The following DCC variants were observed in gnomAD, a reference collection of about 807,000 sequenced individuals.
DCC encodes the protein netrin receptor DCC.
A neutral mutation model predicts 172.5 loss-of-function variants in DCC; 58 were observed. The ratio of observed to expected loss-of-function variants is 0.34; its 90% confidence interval spans 0.27 to 0.42. The LOEUF (loss-of-function observed/expected upper bound fraction) is 0.42. Among genes scored for constraint, DCC ranks in the 10% least tolerant of loss-of-function variants. DCC has a pLI of 1.00. For missense variants in DCC, 1,740 were observed against 1,791.0 expected, an observed-to-expected ratio of 0.97 and a Z score of 0.51; for synonymous variants, 709 against 644.5, an observed-to-expected ratio of 1.10 and a Z score of -1.52.
At chr18:52,972,984 G>T (rs911152456) in intron 5 of DCC, among the ~76,000 whole-genome samples, 9 of 152,192 alleles carry the variant, frequency 5.9e-5, no homozygotes, top group Admixed American at 3.3e-4. Flanking sequence ...TAGACACAGA[G>T]AAATGGGTTC....
At chr18:53,043,345 G>A (rs548606120) in intron 5 of DCC, among the ~76,000 whole-genome samples, 2 of 151,826 alleles carry the variant, frequency 1.3e-5, no homozygotes, top group Admixed American at 6.6e-5. Context: ...GATAACATTA[G>A]GAGAAATACC....
At chr18:52,493,352 A>G (rs371844105) in intron 1 of DCC, among the ~76,000 whole-genome samples, 17 of 152,172 alleles carry the variant, frequency 1.1e-4, no homozygotes, top group East Asian at 5.8e-4. Flanking sequence ...TCTTTTTTTC[A>G]ATAAAAAGCA....
chr18:53,448,889 T>C (rs552971045), intron 22 of DCC, among the ~76,000 whole-genome samples: 1 of 152,286 alleles, frequency 6.6e-6, no homozygotes, highest in African/African-American at 2.4e-5. Context: ...GTTCACACCA[T>C]AAGTCCCAAA....
At chr18:52,798,405 T>C (rs565560254) in intron 2 of DCC, among the ~76,000 whole-genome samples, 1 of 152,354 alleles carries the variant, frequency 6.6e-6, no homozygotes, top group East Asian at 1.9e-4. Flanking sequence ...AGTCTCACTT[T>C]GTTGCTCAGG....
intron 24 of DCC, among the ~76,000 whole-genome samples, chr18:53,460,287 T>TTTTTTTTTTTTTTTTTTTTTTTTTTTG (rs2045539083): frequency 7.8e-6 from 1 of 127,674 alleles, no homozygotes; most frequent in African/African-American, 2.8e-5. Context: ...TTTTTTTTTT[T>TTTTTTTTTTTTTTTTTTTTTTTTTTTG]TTTTTTTTTT....
chr18:52,568,603 A>G (rs367839774), intron 1 of DCC, among the ~76,000 whole-genome samples: 1 of 151,726 alleles, frequency 6.6e-6, no homozygotes, highest in South Asian at 2.1e-4. Flanking sequence ...AATAAATATT[A>G]TTTTTTTTCA....
intron 1 of DCC, among the ~76,000 whole-genome samples, chr18:52,640,115 G>A (rs1366716368): frequency 6.6e-6 from 1 of 152,114 alleles, no homozygotes; most frequent in Non-Finnish European, 1.5e-5. Context: ...AAAATCACAT[G>A]ATCATTTCAA....
At chr18:52,858,210 T>G (rs2039083605) in intron 2 of DCC, among the ~76,000 whole-genome samples, 1 of 152,204 alleles carries the variant, frequency 6.6e-6, no homozygotes, top group Non-Finnish European at 1.5e-5. Flanking sequence ...CACGCCCATT[T>G]TACAGATGGA....
intron 1 of DCC, among the ~76,000 whole-genome samples, chr18:52,566,254 C>A (rs527315010): frequency 6.6e-6 from 1 of 152,198 alleles, no homozygotes; most frequent in South Asian, 2.1e-4. Flanking sequence ...TCTCAGCAAA[C>A]TAACATAGGA....
intron 13 of DCC, among the ~76,000 whole-genome samples, chr18:53,309,918 G>GCGTGTATATATATATATATATATATATA: frequency 9.3e-6 from 1 of 107,882 alleles, no homozygotes; most frequent in South Asian, 3.9e-4. Context: ...ACATATATGT[G>GCGTGTATATATATATATATATATATATA]CGTGTATATA....
At position 53,234,684 on chromosome 18, in the gene DCC, G is replaced by A. The variant is rs147260405; in HGVS notation, c.1911+19087G>A. ...CACATCCAAATCCCTTGGCAATTTA[G>A]TGACAAACCTGAAATCTGACTCCAG... On this transcript the variant is annotated intron_variant, in intron 12 of 28. Transcript: ENST00000442544. 4.6e-5 allele frequency among the ~76,000 whole-genome samples: 7 copies of A among 152,220 alleles called. No homozygotes were observed. In the East Asian group the frequency reaches 7.7e-4, roughly 17 times the overall value.
intron 2 of DCC, among the ~76,000 whole-genome samples, chr18:52,843,506 T>C (rs1204745246): frequency 6.6e-6 from 1 of 152,216 alleles, no homozygotes; most frequent in African/African-American, 2.4e-5. Context: ...ATATAAAAAG[T>C]ACTGCATTGT....
chr18:52,643,246 T>A (rs1352102893), intron 1 of DCC, among the ~76,000 whole-genome samples: 1 of 152,154 alleles, frequency 6.6e-6, no homozygotes, highest in Non-Finnish European at 1.5e-5. Flanking sequence ...ACAAGAAGAT[T>A]TTCTACCTGC....
At chr18:53,223,385 C>A (rs781524498) in intron 12 of DCC, among the ~76,000 whole-genome samples, 2 of 152,012 alleles carry the variant, frequency 1.3e-5, no homozygotes, top group Admixed American at 6.6e-5. Context: ...TTTAATATTA[C>A]CTTATAATTT....
At chr18:53,351,358 ATATATATACT>A (rs2057799879) in intron 15 of DCC, among the ~76,000 whole-genome samples, 2 of 86,408 alleles carry the variant, frequency 2.3e-5, no homozygotes, top group African/African-American at 8.5e-5. Flanking sequence ...TACACAGTAT[ATATATATACT>A]GTATATATAT....
intron 2 of DCC, among the ~76,000 whole-genome samples, chr18:52,883,128 C>T (rs980115228): frequency 5.3e-5 from 8 of 151,610 alleles, no homozygotes; most frequent in Non-Finnish European, 8.8e-5. Flanking sequence ...TTTTTGTTTT[C>T]AGTCCATGTG....
chr18:52,657,289 C>A (rs750549453), intron 1 of DCC, among the ~76,000 whole-genome samples: 10 of 152,180 alleles, frequency 6.6e-5, no homozygotes, highest in Non-Finnish European at 1.5e-4. Flanking sequence ...CCCCTCCTGG[C>A]TGCTTTTGGT....
At chr18:53,098,769 G>A (rs1040798944) in intron 7 of DCC, among the ~76,000 whole-genome samples, 5 of 152,232 alleles carry the variant, frequency 3.3e-5, no homozygotes, top group Middle Eastern at 3.4e-3. Flanking sequence ...CACTTTGGGA[G>A]GCTATGGCAT....
chr18:53,001,190 A>C (rs1455694867), intron 5 of DCC, among the ~76,000 whole-genome samples: 1 of 152,056 alleles, frequency 6.6e-6, no homozygotes, highest in African/African-American at 2.4e-5. Context: ...GGTTTCTATT[A>C]TTTTGGACAT....
Sources: gnomAD v4.1 joint callset for allele counts (sites outside exome capture counted in the v4.1 genomes callset) on GRCh38, gnomAD v4.1.1 for gene constraint, MANE v1.5 for transcripts, NCBI Gene and HGNC (gene_info 2026-07-23, HGNC 2026-07-21) for gene names.